The following ZNF329 variants were observed in gnomAD, a reference collection of about 807,000 sequenced individuals.
ZNF329 encodes zinc finger protein 329.
Under a neutral mutation model 26.6 loss-of-function variants are expected in ZNF329, and 15 were observed. The ratio of observed to expected loss-of-function variants is 0.56; its 90% confidence interval spans 0.38 to 0.87. The LOEUF is 0.87. Ranked by LOEUF, ZNF329 falls within the 40% of genes least tolerant of loss-of-function variation. The pLI is 0.00. For synonymous variants in ZNF329, 239 were observed against 233.5 expected (o/e 1.02, Z -0.21); for missense variants, 651 against 651.9 (o/e 1.00, Z 0.02).
At chr19:58,147,268 C>T (rs1314633208) in intron 1 of ZNF329, among the ~76,000 whole-genome samples, 5 of 148,474 alleles carry the variant, frequency 3.4e-5, no homozygotes, top group Middle Eastern at 7.2e-3. Flanking sequence ...GGAGACCCTC[C>T]GCCTGGCAAC....
upstream of ZNF329, chr19:58,154,988 C>G (rs2075519003): frequency 6.6e-6 from 1 of 152,474 alleles, no homozygotes; most frequent in African/African-American, 2.4e-5. Flanking sequence ...AGCCGTGTCT[C>G]GGGCCGCCCC....
In ZNF329 at chr19:58,129,308, A is replaced by G; in HGVS notation, c.196T>C (p.Tyr66His). 6.2e-7 allele frequency: 1 copy of G among 1,614,238 alleles called. No homozygotes were observed. Among genetic ancestry groups the G allele is most frequent in the Non-Finnish European group, 8.5e-7 (1 of 1,180,038 alleles). ...KPGTQEAICE[Y>H]PGFGEHLIAS... ...ATCAAATGCTCCCCAAAACCAGGAT[A>G]TTCACAAATTGCTTCCTGAGTCCCT... The change falls in exon 4 of 4, where the codon TAT becomes CAT. Residue 66 changes from tyrosine (Y) to histidine (H), a missense_variant. Physicochemically the swap from Tyr to His is moderately conservative, Grantham distance 83. Coordinates refer to ENST00000598312, the MANE Select transcript of ZNF329 (RefSeq NM_024620.4).
chr19:58,133,791 G>A (rs2075005069), intron 3 of ZNF329, among the ~76,000 whole-genome samples: 1 of 151,838 alleles, frequency 6.6e-6, no homozygotes, highest in Admixed American at 6.6e-5. Flanking sequence ...TTGAGCCCAG[G>A]CATTTATGAC....
rs1406986000 is a variant in ZNF329 at position 58,147,530 on chromosome 19, C to T, written c.-208+3222G>A. Among the ~76,000 whole-genome samples the T allele has an allele frequency of 6.3e-5, 9 of 143,786 alleles. No individual in the cohort carries two copies. The South Asian group carries it at 6.5e-4, about 10-fold the overall frequency. 94.3% of individuals were successfully genotyped at this position (143,786 alleles called of 152,430 possible). Reference sequence around the variant, plus strand: ...AGCCCCTCTGCCCGGCCAGCCGCCCCGCCCGGGAGGGAGGTGGGGGGGTCA... The same window carrying T: ...AGCCCCTCTGCCCGGCCAGCCGCCCTGCCCGGGAGGGAGGTGGGGGGGTCA... On this transcript the variant is annotated intron_variant, in intron 1 of 3. Coordinates refer to ENST00000598312, the MANE Select transcript of ZNF329 (RefSeq NM_024620.4).
intron 3 of ZNF329, among the ~76,000 whole-genome samples, chr19:58,131,566 T>C (rs80201090): frequency 0.018 from 2,811 of 152,228 alleles, 81 homozygotes; most frequent in African/African-American, 0.063. Context: ...CAAAGAATTA[T>C]TGCCCAAGAG....
At chr19:58,143,878 C>T (rs1301247817) in intron 1 of ZNF329, among the ~76,000 whole-genome samples, 3 of 151,872 alleles carry the variant, frequency 2.0e-5, no homozygotes, top group Non-Finnish European at 2.9e-5. Flanking sequence ...GTCAGGAGTT[C>T]GAGACCAGCC....
chr19:58,130,525 T>C (rs2074914186), intron 3 of ZNF329, among the ~76,000 whole-genome samples: 1 of 150,862 alleles, frequency 6.6e-6, no homozygotes, highest in African/African-American at 2.4e-5. Flanking sequence ...ATACAAACAA[T>C]TAGCCAGGCG....
At chr19:58,140,437 G>C (rs984000609) in intron 3 of ZNF329, among the ~76,000 whole-genome samples, 9 of 135,640 alleles carry the variant, frequency 6.6e-5, no homozygotes, top group South Asian at 2.3e-4. Flanking sequence ...TTTTGAGACA[G>C]AGTCTTGCTC....
chr19:58,134,799 G>A (rs564410129), intron 3 of ZNF329, among the ~76,000 whole-genome samples: 1 of 152,270 alleles, frequency 6.6e-6, no homozygotes, highest in Non-Finnish European at 1.5e-5. Context: ...GCGAGGCATG[G>A]TGGCACATGC....
intron 3 of ZNF329, among the ~76,000 whole-genome samples, chr19:58,130,863 ATCGGGTC>A (rs2074924719): frequency 6.6e-6 from 1 of 152,096 alleles, no homozygotes; most frequent in African/African-American, 2.4e-5. Context: ...ATTTGGTGGG[ATCGGGTC>A]TCGCTCTGTC....
upstream of ZNF329, among the ~76,000 whole-genome samples, chr19:58,152,876 C>G (rs1242702715): frequency 6.6e-6 from 1 of 151,916 alleles, no homozygotes; most frequent in Non-Finnish European, 1.5e-5. Context: ...GTCAGGCACC[C>G]TTTATTAGAT....
At chr19:58,154,399 GA>G (rs1054874539), upstream of ZNF329, among the ~76,000 whole-genome samples, 81 of 152,274 alleles carry the variant, frequency 5.3e-4, no homozygotes, top group African/African-American at 1.7e-3. Flanking sequence ...TGCGCCCAGG[GA>G]TAAAGAGCCG....
At chr19:58,142,434 G>A (rs888584709) in intron 3 of ZNF329, 123 bp downstream of exon 3, 1 of 152,628 alleles carries the variant, frequency 6.6e-6, no homozygotes, top group African/African-American at 2.4e-5. Context: ...GTCTGTAAGG[G>A]TCAGAACCAC....
At chr19:58,132,523 T>C (rs2074970133) in intron 3 of ZNF329, 1 of 151,594 alleles carries the variant, frequency 6.6e-6, no homozygotes, top group African/African-American at 2.4e-5. Flanking sequence ...CTACTAAAAA[T>C]ACAAAAATTA....
At chr19:58,140,169 C>T (rs1568668194) in intron 3 of ZNF329, among the ~76,000 whole-genome samples, 1 of 152,126 alleles carries the variant, frequency 6.6e-6, no homozygotes, top group East Asian at 1.9e-4. Flanking sequence ...GCTGTTCTCA[C>T]AGTAGTGAGT....
rs1215940159 is a variant in ZNF329, at chr19:58,147,739, C to T, written c.-208+3013G>A. 2.1e-5 allele frequency among the ~76,000 whole-genome samples: 3 copies of T among 143,656 alleles called. 1 individual carries two copies. The highest frequency in any genetic ancestry group is 1.4e-4 in the Admixed American group (2 of 14,812). 94.2% of individuals were successfully genotyped at this position (143,656 alleles called of 152,430 possible). A position where few individuals can be genotyped will look rare whatever the true frequency, so the allele number is the denominator to read the frequency against. ...ACTGGGAAGTGAGGAGACCCTCTGCCCGGCCAGCCGCCCCGTCCGGGAGGG... is the reference window on the plus strand; with the variant it reads ...ACTGGGAAGTGAGGAGACCCTCTGCTCGGCCAGCCGCCCCGTCCGGGAGGG... On this transcript the variant is annotated intron_variant, in intron 1 of 3. Transcript: ENST00000598312.
In ZNF329 at chr19:58,128,728, T is replaced by C. The variant is rs755211551; in HGVS notation, c.776A>G (p.Tyr259Cys). The C allele has an allele frequency of 8.1e-6, 13 of 1,607,822 alleles. No homozygotes were observed. The highest frequency in any genetic ancestry group is 3.4e-5 in the Admixed American group (2 of 59,028). The stretch of plus-strand genomic sequence containing the variant: ...AGCTTTCCCACATTTACTGCATTCA[T>C]AGGGCTTCTCTCCTGTGTGGATTCT... The part of the protein sequence containing the change: ...HQRIHTGEKP[Y>C]ECSKCGKAFS... The change falls in exon 4 of 4, where the codon TAT (tyrosine) becomes TGT (cysteine). Residue 259 changes from tyrosine to cysteine, a missense_variant. Transcript: ENST00000598312.
chr19:58,131,806 A>G (rs942120035), intron 3 of ZNF329, among the ~76,000 whole-genome samples: 6 of 151,748 alleles, frequency 4.0e-5, no homozygotes, highest in African/African-American at 1.5e-4. Context: ...GGTGGACCAC[A>G]AGGTCAGGAG....
intron 1 of ZNF329, among the ~76,000 whole-genome samples, chr19:58,148,444 T>C (rs936190233): frequency 6.6e-6 from 1 of 151,724 alleles, no homozygotes; most frequent in African/African-American, 2.4e-5. Flanking sequence ...TGTTTCTTCT[T>C]TTCCAGGTTC....
Sources: gnomAD v4.1 joint callset for allele counts (sites outside exome capture counted in the v4.1 genomes callset) on GRCh38, gnomAD v4.1.1 for gene constraint, MANE v1.5 for transcripts, NCBI Gene and HGNC (gene_info 2026-07-23, HGNC 2026-07-21) for gene names.